The following MAMDC2 variants were observed in gnomAD, a reference collection of about 807,000 sequenced individuals.
MAMDC2 encodes the protein MAM domain containing 2.
In MAMDC2, 57 loss-of-function variants were observed where a neutral mutation model predicts 89.8. The observed-to-expected ratio is 0.63, with a 90% CI of 0.51 to 0.79. MAMDC2 has a LOEUF of 0.79. Among genes scored for constraint, MAMDC2 ranks in the 30% least tolerant of loss-of-function variants. The pLI is 0.00. For synonymous variants in MAMDC2, 313 were observed against 293.4 expected, an observed-to-expected ratio of 1.07 and a Z score of -0.68; for missense variants, 800 against 820.6, an observed-to-expected ratio of 0.97 and a Z score of 0.31.
At chr9:70,119,559 G>C (rs2030191004) in intron 5 of MAMDC2, among the ~76,000 whole-genome samples, 1 of 152,134 alleles carries the variant, frequency 6.6e-6, no homozygotes, top group Admixed American at 6.5e-5. Context: ...CTCTGCCCTT[G>C]GATGACTTAC....
At chr9:70,044,526 G>C (rs960518449) in intron 1 of MAMDC2, 58 bp from the exon 2 acceptor site, 5 of 1,390,104 alleles carry the variant, frequency 3.6e-6, no homozygotes, top group Non-Finnish European at 5.0e-6. Flanking sequence ...GGGGCTCCCC[G>C]AGTTGGTGCA....
At chr9:70,102,822 T>A (rs1429667405) in intron 2 of MAMDC2, among the ~76,000 whole-genome samples, 2 of 152,224 alleles carry the variant, frequency 1.3e-5, no homozygotes, top group Admixed American at 1.3e-4. Context: ...TTGAAGTGGA[T>A]CCTTCCCTCT....
intron 2 of MAMDC2, among the ~76,000 whole-genome samples, chr9:70,061,472 C>G (rs1827149692): frequency 6.6e-6 from 1 of 152,124 alleles, no homozygotes; most frequent in South Asian, 2.1e-4. Flanking sequence ...CTTTCCCCTC[C>G]TATTAGGCTC....
chr9:70,144,679 TGAAG>T (rs1309845948), intron 9 of MAMDC2, among the ~76,000 whole-genome samples: 1 of 152,174 alleles, frequency 6.6e-6, no homozygotes, highest in Non-Finnish European at 1.5e-5. Flanking sequence ...CATTGTTGAA[TGAAG>T]GAAGGAAGGA....
chr9:70,116,327 A>G (rs1047451005), intron 5 of MAMDC2, among the ~76,000 whole-genome samples: 3 of 152,204 alleles, frequency 2.0e-5, no homozygotes, highest in African/African-American at 7.2e-5. Context: ...CATCCTTTGA[A>G]GAGTGTAATT....
intron 2 of MAMDC2, among the ~76,000 whole-genome samples, chr9:70,052,750 A>AT (rs559631084): frequency 1.3e-3 from 192 of 152,136 alleles, no homozygotes; most frequent in African/African-American, 4.4e-3. Context: ...AATCCTTAAC[A>AT]TTTTTTTCCT....
intron 7 of MAMDC2, among the ~76,000 whole-genome samples, chr9:70,136,441 ACT>A (rs2031015067): frequency 6.6e-6 from 1 of 152,200 alleles, no homozygotes; most frequent in Admixed American, 6.5e-5. Context: ...CTACTCACCT[ACT>A]GAAGGACATA....
chr9:70,062,149 G>C (rs1212582113), intron 2 of MAMDC2, among the ~76,000 whole-genome samples: 2 of 151,938 alleles, frequency 1.3e-5, no homozygotes, highest in African/African-American at 4.8e-5. Context: ...TATGCTTGCT[G>C]TTTCATTTTG....
intron 8 of MAMDC2, among the ~76,000 whole-genome samples, chr9:70,143,181 C>T (rs2031283609): frequency 6.6e-6 from 1 of 152,218 alleles, no homozygotes; most frequent in Non-Finnish European, 1.5e-5. Context: ...GCCTTCCATT[C>T]ACTATGGTTC....
intron 11 of MAMDC2, among the ~76,000 whole-genome samples, chr9:70,202,699 TGTAG>T (rs1259716079): frequency 1.3e-5 from 2 of 148,612 alleles, no homozygotes; most frequent in African/African-American, 5.0e-5. Context: ...TAAGTCTCTT[TGTAG>T]GTCACTCAGG....
chr9:70,179,531 ATAAAT>A (rs1563989009), intron 11 of MAMDC2, among the ~76,000 whole-genome samples: 2 of 83,482 alleles, frequency 2.4e-5, no homozygotes. Flanking sequence ...CTCAAAAAAA[ATAAAT>A]AAATAAATAA....
intron 2 of MAMDC2, among the ~76,000 whole-genome samples, chr9:70,055,021 C>G (rs12004037): frequency 0.045 from 6,773 of 152,120 alleles, 457 homozygotes; most frequent in African/African-American, 0.15. Context: ...TTCAAGACCA[C>G]TCCTGGAGAC....
At chr9:70,139,154 G>T (rs888794501) in intron 7 of MAMDC2, among the ~76,000 whole-genome samples, 2 of 149,584 alleles carry the variant, frequency 1.3e-5, no homozygotes, top group African/African-American at 4.9e-5. Flanking sequence ...AAGTTTTAGG[G>T]TACATGTGCA....
intron 3 of MAMDC2, 80 bp downstream of exon 3, chr9:70,108,562 C>A: frequency 7.7e-7 from 1 of 1,298,838 alleles, no homozygotes. Context: ...AAACTTCTGA[C>A]ATGGAGGTTA....
rs147578260 is a variant in MAMDC2 at position 70,168,803 on chromosome 9, G to A, written c.1498+8G>A. On this transcript the variant is annotated splice_region_variant and intron_variant, in intron 10 of 13. Coordinates refer to ENST00000377182, the MANE Select transcript of MAMDC2 (RefSeq NM_153267.5). ...GAAGCTGCTCATCTTCAGGTAAGAC[G>A]GCAATCATTTTAGCTCTCTGTCTCT... is the stretch of plus-strand genomic sequence containing the variant. 1.0e-4 allele frequency: 163 copies of A among 1,606,464 alleles called. No homozygotes were observed. The East Asian group carries it at 3.4e-3, about 33-fold the overall frequency.
chr9:70,202,419 T>G lies in MAMDC2; in HGVS notation c.1652-15918T>G, dbSNP rs555569471. Among the ~76,000 whole-genome samples, 1,179 of 151,878 alleles carry G rather than the reference T, an allele frequency of 7.8e-3. 42 individuals are homozygous for G. The highest frequency in any genetic ancestry group is 0.055 in the Admixed American group (833 of 15,264). ...TTTGATTGCACTGTGGTCTGAGAGA[T>G]AGTTTGTTATAATGTCTGTTCTTTT... On this transcript the variant is annotated intron_variant, in intron 11 of 13. Coordinates refer to ENST00000377182, the MANE Select transcript of MAMDC2 (RefSeq NM_153267.5).
chr9:70,144,143 T>C (rs2031318969), intron 9 of MAMDC2, among the ~76,000 whole-genome samples: 2 of 101,918 alleles, frequency 2.0e-5, no homozygotes, highest in Non-Finnish European at 4.2e-5. Context: ...CATAATTCTC[T>C]CTCTCTCTTT....
intron 11 of MAMDC2, among the ~76,000 whole-genome samples, chr9:70,205,805 C>T (rs1175539792): frequency 6.6e-6 from 1 of 152,124 alleles, no homozygotes; most frequent in Non-Finnish European, 1.5e-5. Context: ...AATACTGGGG[C>T]TTCCTGGCTC....
At chr9:70,119,940 A>G (rs7019336) in intron 5 of MAMDC2, among the ~76,000 whole-genome samples, 16,761 of 152,134 alleles carry the variant, frequency 0.11, 1,893 homozygotes, top group African/African-American at 0.28. Flanking sequence ...CCAATGGGGG[A>G]TCCCACTTTA....
Sources: allele counts gnomAD v4.1 joint callset (sites outside exome capture counted in the v4.1 genomes callset), GRCh38; gene constraint gnomAD v4.1.1; transcripts MANE v1.5; gene names NCBI Gene and HGNC (gene_info 2026-07-23, HGNC 2026-07-21).